The following SNTG1 variants were observed in gnomAD, a reference collection of about 807,000 sequenced individuals.
SNTG1 encodes the protein syntrophin gamma 1.
Under a neutral mutation model 74.7 loss-of-function variants are expected in SNTG1, and 39 were observed. That is an observed-to-expected ratio of 0.52 (90% CI 0.40 to 0.68). SNTG1 has a LOEUF of 0.68. Among genes scored for constraint, SNTG1 ranks in the 30% least tolerant of loss-of-function variants. The pLI, the probability that SNTG1 is intolerant of heterozygous loss-of-function variation, is 0.00. For synonymous variants in SNTG1, 254 were observed against 217.1 expected, an observed-to-expected ratio of 1.17 and a Z score of -1.49; for missense variants, 685 against 609.5, an observed-to-expected ratio of 1.12 and a Z score of -1.30.
intron 4 of SNTG1, among the ~76,000 whole-genome samples, chr8:50,402,851 T>C (rs2092824294): frequency 6.6e-6 from 1 of 152,164 alleles, no homozygotes; most frequent in African/African-American, 2.4e-5. Context: ...TATGCCCAAG[T>C]GCTGTAGCAA....
intron 9 of SNTG1, among the ~76,000 whole-genome samples, chr8:50,518,525 CT>C (rs1321882663): frequency 6.6e-6 from 1 of 151,770 alleles, no homozygotes; most frequent in African/African-American, 2.4e-5. Flanking sequence ...GGGGCTGTTT[CT>C]TTTGAAAAGA....
At chr8:50,217,229 C>A (rs1230273528) in intron 2 of SNTG1, among the ~76,000 whole-genome samples, 1 of 151,824 alleles carries the variant, frequency 6.6e-6, no homozygotes, top group Non-Finnish European at 1.5e-5. Flanking sequence ...TGGTACACAC[C>A]ATAATTTGTT....
At chr8:50,358,364 C>T (rs2091874878) in intron 2 of SNTG1, among the ~76,000 whole-genome samples, 1 of 152,154 alleles carries the variant, frequency 6.6e-6, no homozygotes, top group Admixed American at 6.6e-5. Flanking sequence ...AGGATACAAG[C>T]AAAGGTCAGG....
chr8:50,355,635 G>A (rs908575227), intron 2 of SNTG1, among the ~76,000 whole-genome samples: 2 of 152,168 alleles, frequency 1.3e-5, no homozygotes, highest in African/African-American at 2.4e-5. Flanking sequence ...TGAAGATGTT[G>A]TCTCAGTATC....
At chr8:50,792,579 A>C in intron 18 of SNTG1, 92 bp from the exon 19 acceptor site, 1 of 1,226,536 alleles carries the variant, frequency 8.2e-7, no homozygotes, top group East Asian at 2.4e-5. Context: ...ATTCTAGATA[A>C]GTGTATTGAA....
At chr8:50,630,628 C>T (rs930055894) in intron 13 of SNTG1, among the ~76,000 whole-genome samples, 7 of 152,146 alleles carry the variant, frequency 4.6e-5, no homozygotes, top group Non-Finnish European at 1.0e-4. Flanking sequence ...TTTATTTATA[C>T]AACCATATCT....
At chr8:49,962,891 C>G (rs1810822159) in intron 1 of SNTG1, among the ~76,000 whole-genome samples, 1 of 152,304 alleles carries the variant, frequency 6.6e-6, no homozygotes. Context: ...CTGCGCCCAA[C>G]AAAGAGTGGT....
chr8:49,962,717 C>A (rs756991464), intron 1 of SNTG1, among the ~76,000 whole-genome samples: 1 of 152,156 alleles, frequency 6.6e-6, no homozygotes, highest in Non-Finnish European at 1.5e-5. Flanking sequence ...GCCTCAGCCT[C>A]CTGAGTAGCT....
intron 2 of SNTG1, among the ~76,000 whole-genome samples, chr8:50,208,253 T>A (rs2084340506): frequency 6.6e-6 from 1 of 152,202 alleles, no homozygotes; most frequent in Admixed American, 6.5e-5. Context: ...TGTGCTCCTA[T>A]ATTGGGTGCA....
At chr8:49,990,604 T>C (rs1359751241) in intron 1 of SNTG1, among the ~76,000 whole-genome samples, 1 of 152,084 alleles carries the variant, frequency 6.6e-6, no homozygotes, top group Admixed American at 6.6e-5. Flanking sequence ...ATTGGCGTAA[T>C]GATAGACATA....
chr8:50,097,625 C>G (rs1043472196), intron 1 of SNTG1, among the ~76,000 whole-genome samples: 73 of 150,672 alleles, frequency 4.8e-4, no homozygotes, highest in African/African-American at 1.7e-3. Flanking sequence ...GCACTCCAGC[C>G]TGGGCGACAA....
chr8:50,658,971 T>C (rs541923164), intron 15 of SNTG1, among the ~76,000 whole-genome samples: 1 of 151,352 alleles, frequency 6.6e-6, no homozygotes, highest in South Asian at 2.1e-4. Flanking sequence ...TTGAAAGTAG[T>C]CTGAATTTAA....
rs1452366426 is a variant in SNTG1 at position 50,121,000 on chromosome 8, C to T, written c.-102-51561C>T. ...TAGGAAACACTGAGCTGCTTTTGCTCCCCATATTTCATTATCATATCAAGA... is the reference window on the plus strand; with the variant it reads ...TAGGAAACACTGAGCTGCTTTTGCTTCCCATATTTCATTATCATATCAAGA... On this transcript the variant is annotated intron_variant, in intron 1 of 18. Transcript: ENST00000642720. Among the ~76,000 whole-genome samples the T allele has an allele frequency of 2.1e-5, 3 of 141,494 alleles. 1 individual carries two copies. In the South Asian group the frequency reaches 7.9e-4, roughly 37 times the overall value. The allele number at this position is 141,494 out of a possible 152,430, so 92.8% of individuals were successfully genotyped here.
rs142442118 is a variant in SNTG1 at position 50,008,388 on chromosome 8, C to G, written c.-103+96157C>G. On this transcript the variant is annotated intron_variant, in intron 1 of 18. Transcript: ENST00000642720. ...TCTTAGTGCAGTGTCTGGATAAGCA[C>G]CTGATTATTGTTGTTCTATTATTAA... Among the ~76,000 whole-genome samples, 123 of 152,194 alleles carry G rather than the reference C, an allele frequency of 8.1e-4. 2 individuals are homozygous for G. In the East Asian group the frequency reaches 0.023, roughly 28 times the overall value.
chr8:50,197,309 T>A (rs2083811257), intron 2 of SNTG1, among the ~76,000 whole-genome samples: 1 of 152,204 alleles, frequency 6.6e-6, no homozygotes, highest in African/African-American at 2.4e-5. Flanking sequence ...TACATTCAAA[T>A]ACATTCCTGT....
intron 1 of SNTG1, among the ~76,000 whole-genome samples, chr8:50,048,613 A>G (rs1258091909): frequency 1.3e-5 from 2 of 152,208 alleles, no homozygotes; most frequent in African/African-American, 4.8e-5. Context: ...TGAACAAAAC[A>G]AATATTAAAT....
intron 15 of SNTG1, among the ~76,000 whole-genome samples, chr8:50,669,671 A>G (rs1315839855): frequency 6.6e-6 from 1 of 152,070 alleles, no homozygotes; most frequent in African/African-American, 2.4e-5. Context: ...AAAAGAGGGA[A>G]TCCTCCCTAA....
intron 4 of SNTG1, among the ~76,000 whole-genome samples, chr8:50,406,741 G>T (rs12541766): frequency 0.93 from 140,814 of 152,208 alleles, 65,706 homozygotes; most frequent in Non-Finnish European, 1. Flanking sequence ...AGTTTTGAAT[G>T]TTATCATCGA....
intron 9 of SNTG1, among the ~76,000 whole-genome samples, chr8:50,529,748 ACATTTTTGCAT>A (rs1390128286): frequency 6.6e-6 from 1 of 152,070 alleles, no homozygotes; most frequent in Non-Finnish European, 1.5e-5. Context: ...GAACATGCAA[ACATTTTTGCAT>A]CATGGAAAAT....
Sources: gnomAD v4.1 joint callset for allele counts (sites outside exome capture counted in the v4.1 genomes callset) on GRCh38, gnomAD v4.1.1 for gene constraint, MANE v1.5 for transcripts, NCBI Gene and HGNC (gene_info 2026-07-23, HGNC 2026-07-21) for gene names.